NOX5: variants seen among roughly 807,000 people sequenced by gnomAD.
The protein encoded by NOX5 is NADPH oxidase 5.
In NOX5, 76 loss-of-function variants were observed where a neutral mutation model predicts 85.7. That is an observed-to-expected ratio of 0.89 (90% CI 0.74 to 1.07). NOX5 has a LOEUF of 1.07. NOX5 is among the 50% of genes least tolerant of loss of function. The pLI is 0.00. For synonymous variants in NOX5, 405 were observed against 401.4 expected (o/e 1.01, Z -0.11); for missense variants, 973 against 999.5 (o/e 0.97, Z 0.36).
chr15:69,047,464 G>A lies in NOX5; in HGVS notation c.1744G>A (p.Glu582Lys), dbSNP rs565188759. 4 of 1,613,970 alleles carry A rather than the reference G, an allele frequency of 2.5e-6. No individual in the cohort carries two copies. The Admixed American group carries it at 6.7e-5, about 27-fold the overall frequency. ...GTPTRRIFAS[E>K]HAVLIGAGIG... ...CCCCACCCGCAGGATCTTTGCCTCT[G>A]AGCATGCCGTGCTCATCGGGGCAGG... Residue 582 changes from glutamate to lysine, a missense_variant, in exon 12 of 16, where the codon GAG (glutamate) becomes AAG (lysine). Physicochemically the swap from Glu to Lys is moderately conservative, Grantham distance 56 (BLOSUM62 1). Coordinates refer to ENST00000388866, the MANE Select transcript of NOX5 (RefSeq NM_024505.4).
chr15:69,033,231 C>G lies in NOX5; in HGVS notation c.809C>G (p.Ala270Gly). The G allele has an allele frequency of 6.3e-7, 1 of 1,598,112 alleles. No individual in the cohort carries two copies. Among genetic ancestry groups the G allele is most frequent in the South Asian group, 1.1e-5 (1 of 90,444 alleles). ...HRDLGASVMV[A>G]KGCGQCLNFD... is the part of the protein sequence containing the mutation. ...GACCTCGGCGCCAGCGTCATGGTGG[C>G]CAAGGGCTGCGGCCAGTGCCTCAAC... Residue 270 changes from alanine to glycine, a missense_variant, in exon 5 of 16, where the codon GCC becomes GGC. Physicochemically the swap from Ala to Gly is moderately conservative, Grantham distance 60. Transcript: ENST00000388866.
chr15:69,047,807 C>G (rs752954027), intron 12 of NOX5, 23 bp from the exon 13 acceptor site: 9 of 1,613,316 alleles, frequency 5.6e-6, no homozygotes, highest in Non-Finnish European at 7.6e-6. Flanking sequence ...AATTTACAAC[C>G]CCTTCCTCCT....
chr15:69,040,349 A>C (rs184060988), intron 9 of NOX5, among the ~76,000 whole-genome samples: 20 of 152,382 alleles, frequency 1.3e-4, no homozygotes, highest in African/African-American at 4.8e-4. Context: ...GAATCCTTCA[A>C]ATAATTTTAT....
Position 69,033,384 on chromosome 15 carries a change from G to T in NOX5, c.855+107G>T, listed in dbSNP as rs1027604239. 4.6e-6 allele frequency: 6 copies of T among 1,294,698 alleles called. No homozygotes were observed. The African/African-American group carries it at 7.7e-5, about 17-fold the overall frequency. 80.2% of individuals were successfully genotyped at this position (1,294,698 alleles called of 1,614,324 possible). A position where few individuals can be genotyped will look rare whatever the true frequency, so the allele number is the denominator to read the frequency against. On this transcript the variant is annotated intron_variant, in intron 5 of 15. Coordinates refer to ENST00000388866, the MANE Select transcript of NOX5 (RefSeq NM_024505.4). ...AGGACACCTGGAATGCCAGGGCAGGGTGGCACCTTAGAAATCAGCTGGGCC... is the reference window on the plus strand; with the variant it reads ...AGGACACCTGGAATGCCAGGGCAGGTTGGCACCTTAGAAATCAGCTGGGCC...
In NOX5 at chr15:69,033,063, C is replaced by T. The variant is rs1276492567; in HGVS notation, c.641C>T (p.Ala214Val). 1.3e-6 allele frequency: 2 copies of T among 1,539,128 alleles called. No homozygotes were observed. The highest frequency in any genetic ancestry group is 1.7e-6 in the Non-Finnish European group (2 of 1,151,530). ...CGCAGCGCTGCCCACTGGCTGACGG[C>T]CCCCGCCCCCCGCCCACGCCCGCGC... Reference protein sequence around the residue: ...LTISAAHWLTAPAPRPRPRRP... With the variant: ...LTISAAHWLTVPAPRPRPRRP... The change falls in exon 5 of 16, where the codon GCC becomes GTC. Residue 214 changes from alanine (A) to valine (V), a missense_variant. By Grantham distance (64) the Ala-to-Val change is moderately conservative. Transcript: ENST00000388866.
intron 9 of NOX5, among the ~76,000 whole-genome samples, chr15:69,040,630 G>A (rs1276659757): frequency 6.6e-6 from 1 of 152,026 alleles, no homozygotes; most frequent in Non-Finnish European, 1.5e-5. Context: ...AATATTATAT[G>A]GGCGTGTCAT....
rs994865171 is a variant in NOX5 at position 69,060,595 on chromosome 15, GTGTTTT to G, written c.*3912_*3917del. ...GGGATACAATGAAGGAAAGGATTTT[GTGTTTT>G]TGTTTTTGTTTTACTTTTTGCCCTT... On this transcript the variant is annotated 3_prime_UTR_variant, in exon 16 of 16. Coordinates refer to ENST00000388866, the MANE Select transcript of NOX5 (RefSeq NM_024505.4). 6.6e-6 allele frequency: 1 copy of G among 152,088 alleles called. No individual in the cohort carries two copies. The highest frequency in any genetic ancestry group is 6.5e-5 in the Admixed American group (1 of 15,282). 9.4% of individuals were successfully genotyped at this position (152,088 alleles called of 1,614,324 possible). A position where few individuals can be genotyped will look rare whatever the true frequency, so the allele number is the denominator to read the frequency against.
chr15:69,033,410 A>G, intron 5 of NOX5, 133 bp downstream of exon 5: 1 of 1,029,778 alleles, frequency 9.7e-7, no homozygotes, highest in Non-Finnish European at 1.4e-6. Flanking sequence ...CAGCTGGGCC[A>G]ACGCTCAGAG....
chr15:69,049,114 C>A, intron 14 of NOX5, 56 bp downstream of exon 14: 1 of 1,108,896 alleles, frequency 9.0e-7, no homozygotes, highest in Non-Finnish European at 1.3e-6. Context: ...CCTTCAGCTT[C>A]TTTAAAAAAA....
intron 9 of NOX5, among the ~76,000 whole-genome samples, chr15:69,041,063 C>T (rs2050588619): frequency 6.6e-6 from 1 of 152,140 alleles, no homozygotes; most frequent in African/African-American, 2.4e-5. Context: ...AGTCTCCTGC[C>T]CTGAGCTGAG....
intron 1 of NOX5, among the ~76,000 whole-genome samples, chr15:69,015,823 T>G (rs1456673765): frequency 6.6e-6 from 1 of 150,462 alleles, no homozygotes; most frequent in Non-Finnish European, 1.5e-5. Context: ...GAAGGCGGCT[T>G]CAGCTCAGGG....
rs774447174 is a variant in NOX5, at chr15:69,035,495, A to G, written c.997A>G (p.Thr333Ala). ...GTCCCTCGTGCACACCGTGGCTCACACTGTGAACTTTGGTGAGTGATCTGG... is the reference window on the plus strand; with the variant it reads ...GTCCCTCGTGCACACCGTGGCTCACGCTGTGAACTTTGGTGAGTGATCTGG... ...GLSLVHTVAHTVNFVLQAQAE... is the reference protein window; with the variant it reads ...GLSLVHTVAHAVNFVLQAQAE... Residue 333 changes from threonine to alanine, a missense_variant, in exon 6 of 16, where the codon ACT (threonine) becomes GCT (alanine). By Grantham distance (58) the Thr-to-Ala change is moderately conservative (BLOSUM62 0). Coordinates refer to ENST00000388866, the MANE Select transcript of NOX5 (RefSeq NM_024505.4). The G allele has an allele frequency of 6.2e-7, 1 of 1,614,134 alleles. No homozygotes were observed. The highest frequency in any genetic ancestry group is 1.1e-5 in the South Asian group (1 of 91,062).
chr15:69,028,091 T>A, intron 2 of NOX5, 124 bp from the exon 3 acceptor site: 1 of 1,054,248 alleles, frequency 9.5e-7, no homozygotes, highest in Non-Finnish European at 1.4e-6. Flanking sequence ...GAGTTCTGCC[T>A]GAATACCGCC....
chr15:69,048,037 C>T, intron 13 of NOX5, 126 bp downstream of exon 13: 4 of 756,478 alleles, frequency 5.3e-6, no homozygotes, highest in Non-Finnish European at 8.8e-6. Flanking sequence ...CTTTCTTTCC[C>T]CACAATACCC....
intron 8 of NOX5, chr15:69,037,537 T>A (rs1478391060): frequency 3.6e-6 from 1 of 280,172 alleles, no homozygotes; most frequent in African/African-American, 2.2e-5. Context: ...GAGAAGGTTC[T>A]GCACTGTCCT....
At chr15:69,034,827 C>G (rs1403760256) in intron 5 of NOX5, among the ~76,000 whole-genome samples, 1 of 152,344 alleles carries the variant, frequency 6.6e-6, no homozygotes, top group East Asian at 1.9e-4. Flanking sequence ...GCTGTAACCT[C>G]AAACGCCTGG....
At chr15:69,016,389 C>T (rs1447074655) in intron 1 of NOX5, among the ~76,000 whole-genome samples, 1 of 152,212 alleles carries the variant, frequency 6.6e-6, no homozygotes, top group Non-Finnish European at 1.5e-5. Flanking sequence ...CTCCTTGCTG[C>T]CTGCAGCTCC....
chr15:69,021,766 C>G (rs139709534), intron 1 of NOX5, among the ~76,000 whole-genome samples: 1,598 of 152,218 alleles, frequency 0.01, 31 homozygotes, highest in African/African-American at 0.037. Flanking sequence ...ATTCTATTGC[C>G]TTTCTCAGTA....
At chr15:69,042,894 TTG>T in intron 10 of NOX5, 89 bp downstream of exon 10, 2 of 1,378,190 alleles carry the variant, frequency 1.5e-6, no homozygotes, top group Non-Finnish European at 2.0e-6. Context: ...GCATCAATTA[TTG>T]AGCAACTGCT....
Sources: gnomAD v4.1 joint callset for allele counts (sites outside exome capture counted in the v4.1 genomes callset) on GRCh38, gnomAD v4.1.1 for gene constraint, MANE v1.5 for transcripts, NCBI Gene and HGNC (gene_info 2026-07-23, HGNC 2026-07-21) for gene names.